The following CCDC178 variants were observed in gnomAD, a reference collection of about 807,000 sequenced individuals.
The protein encoded by CCDC178 is coiled-coil domain containing 178, also known as coiled-coil domain-containing protein 178.
CCDC178 carries 126 observed loss-of-function variants against 117.4 expected under a neutral mutation model. That is an observed-to-expected ratio of 1.07 (90% CI 0.93 to 1.24). The LOEUF (loss-of-function observed/expected upper bound fraction) is 1.24, where lower values mean the gene tolerates loss of function less well. Among genes scored for constraint, CCDC178 ranks in the 50% most tolerant of loss-of-function variants. The pLI, the probability that CCDC178 is intolerant of heterozygous loss-of-function variation, is 0.00. For synonymous variants in CCDC178, 283 were observed against 313.4 expected (o/e 0.90, Z 1.02); for missense variants, 1,030 against 986.9 (o/e 1.04, Z -0.59).
intron 21 of CCDC178, chr18:32,983,190 T>C (rs1323989360): frequency 1.9e-5 from 14 of 744,972 alleles, no homozygotes; most frequent in Non-Finnish European, 2.7e-5. Flanking sequence ...TGGGAGTAGG[T>C]ACATGGTGGT....
At position 33,224,921 on chromosome 18, in the gene CCDC178, T is replaced by A; in HGVS notation, c.1672A>T (p.Ile558Phe). The A allele has an allele frequency of 6.7e-7, 1 of 1,489,578 alleles. No homozygotes were observed. The highest frequency in any genetic ancestry group is 1.4e-5 in the South Asian group (1 of 69,372). 92.3% of individuals were successfully genotyped at this position (1,489,578 alleles called of 1,614,324 possible). ...GMVLQKKLYS[I>F]YEVQALERKE... ...CGCTCAAGTGCCTGGACTTCGTAAATGGAATATAGTTTTTTCTGCCAGCAA... is the reference window on the plus strand; with the variant it reads ...CGCTCAAGTGCCTGGACTTCGTAAAAGGAATATAGTTTTTTCTGCCAGCAA... The change falls in exon 17 of 23, where the codon ATT (isoleucine) becomes TTT (phenylalanine). Residue 558 changes from isoleucine (I) to phenylalanine (F), a missense_variant. Transcript: ENST00000383096.
intron 20 of CCDC178, among the ~76,000 whole-genome samples, chr18:33,194,568 CTT>C: frequency 6.6e-6 from 1 of 152,250 alleles, no homozygotes; most frequent in East Asian, 1.9e-4. Context: ...TCCAATAAAA[CTT>C]TGTATTTCTA....
intron 2 of CCDC178, among the ~76,000 whole-genome samples, chr18:33,414,332 A>C (rs1455932433): frequency 6.6e-6 from 1 of 152,192 alleles, no homozygotes; most frequent in African/African-American, 2.4e-5. Context: ...TTAGAAAAAA[A>C]AACTATCTTG....
At chr18:33,042,295 T>C (rs1282278455) in intron 21 of CCDC178, among the ~76,000 whole-genome samples, 2 of 151,940 alleles carry the variant, frequency 1.3e-5, no homozygotes, top group Admixed American at 6.6e-5. Context: ...CTGTAAGGTA[T>C]TCCTGCCAAA....
intron 20 of CCDC178, among the ~76,000 whole-genome samples, chr18:33,145,086 T>C (rs1469648484): frequency 6.6e-6 from 1 of 152,212 alleles, no homozygotes; most frequent in Non-Finnish European, 1.5e-5. Context: ...CAGTTTTATA[T>C]CTGATAATTA....
chr18:33,267,900 G>A (rs532754347), intron 12 of CCDC178, among the ~76,000 whole-genome samples: 6 of 150,956 alleles, frequency 4.0e-5, no homozygotes, highest in Admixed American at 6.6e-5. Context: ...AATAATAATC[G>A]GTCTTTAAAA....
intron 11 of CCDC178, among the ~76,000 whole-genome samples, chr18:33,299,193 C>T (rs1325968736): frequency 1.3e-5 from 2 of 152,104 alleles, no homozygotes; most frequent in Non-Finnish European, 2.9e-5. Flanking sequence ...GGAGGTACCA[C>T]ACTACCTGAC....
At chr18:33,202,984 G>T (rs2059009877) in intron 20 of CCDC178, among the ~76,000 whole-genome samples, 1 of 152,100 alleles carries the variant, frequency 6.6e-6, no homozygotes, top group Non-Finnish European at 1.5e-5. Context: ...GTAGATCATA[G>T]CATATATTCT....
At chr18:33,177,688 T>C (rs1266956605) in intron 20 of CCDC178, among the ~76,000 whole-genome samples, 1 of 152,216 alleles carries the variant, frequency 6.6e-6, no homozygotes. Context: ...TAAGCTATAA[T>C]GAATTTGTCT....
At chr18:33,244,742 G>T (rs1466057817) in intron 15 of CCDC178, among the ~76,000 whole-genome samples, 2 of 151,926 alleles carry the variant, frequency 1.3e-5, no homozygotes, top group African/African-American at 2.4e-5. Flanking sequence ...GCAGAGAGCT[G>T]CTAGCCAATA....
At chr18:33,430,649 GCCTTAA>G (rs2064200268) in intron 2 of CCDC178, among the ~76,000 whole-genome samples, 1 of 152,190 alleles carries the variant, frequency 6.6e-6, no homozygotes, top group Non-Finnish European at 1.5e-5. Context: ...AAGGAAAGCT[GCCTTAA>G]CCACATCACT....
rs1392583366 is a variant in CCDC178, at chr18:33,267,252, T to G, written c.1222A>C (p.Lys408Gln). The G allele has an allele frequency of 6.2e-7, 1 of 1,606,134 alleles. No individual in the cohort carries two copies. Among genetic ancestry groups the G allele is most frequent in the Non-Finnish European group, 8.5e-7 (1 of 1,177,418 alleles). The change falls in exon 13 of 23, where the codon AAA becomes CAA. Residue 408 changes from lysine to glutamine, a missense_variant. Lys to Gln is a moderately conservative substitution (Grantham distance 53). Coordinates refer to ENST00000383096, the MANE Select transcript of CCDC178 (RefSeq NM_001105528.4). The stretch of plus-strand genomic sequence containing the variant: ...TCCAGATACTGATTTTCATGACTTT[T>G]TTGCTTCCAGGTTAGTTGGTCATAA... ...RVYDQLTWKQ[K>Q]SHENQYLEAV...
intron 20 of CCDC178, among the ~76,000 whole-genome samples, chr18:33,187,428 T>C (rs1233257388): frequency 1.3e-5 from 2 of 152,088 alleles, no homozygotes; most frequent in African/African-American, 2.4e-5. Flanking sequence ...TTGTATGACA[T>C]TTCCTAATGT....
chr18:33,318,860 AAATT>A (rs2062459540), intron 11 of CCDC178, among the ~76,000 whole-genome samples: 1 of 152,116 alleles, frequency 6.6e-6, no homozygotes, highest in Non-Finnish European at 1.5e-5. Context: ...GCAAAAATGA[AAATT>A]AATAGATTAT....
At position 33,072,062 on chromosome 18, in the gene CCDC178, G is replaced by GA. The variant is rs1197355884; in HGVS notation, c.2388+20698dup. On this transcript the variant is annotated intron_variant, in intron 21 of 22. Coordinates refer to ENST00000383096, the MANE Select transcript of CCDC178 (RefSeq NM_001105528.4). ...AAAAGAGTATGATATGCAAGGACTTGAAAAAAATCTTTTTGTCTTTTTCTG... is the reference window on the plus strand; with the variant it reads ...AAAAGAGTATGATATGCAAGGACTTGAAAAAAAATCTTTTTGTCTTTTTCTG... Among the ~76,000 whole-genome samples the GA allele has an allele frequency of 2.9e-3, 439 of 152,006 alleles. 3 individuals carry two copies. Among genetic ancestry groups the GA allele is most frequent in the African/African-American group, 0.01 (417 of 41,480 alleles).
At chr18:33,327,971 T>C (rs2062607381) in intron 10 of CCDC178, 2 of 327,690 alleles carry the variant, frequency 6.1e-6, no homozygotes, top group Non-Finnish European at 1.2e-5. Context: ...ACTTTCTTGA[T>C]AGTGTCCTTT....
chr18:33,430,935 C>G (rs979057628), intron 2 of CCDC178, among the ~76,000 whole-genome samples: 1 of 151,836 alleles, frequency 6.6e-6, no homozygotes, highest in South Asian at 2.1e-4. Flanking sequence ...ATTAGCCGGG[C>G]GCGGTGGTGG....
chr18:33,068,213 C>T (rs886181220), intron 21 of CCDC178, among the ~76,000 whole-genome samples: 5 of 152,044 alleles, frequency 3.3e-5, no homozygotes, highest in Non-Finnish European at 7.4e-5. Context: ...GACCAGATGG[C>T]TTTATTGCTA....
intron 14 of CCDC178, among the ~76,000 whole-genome samples, chr18:33,247,077 T>TGC (rs1241250946): frequency 2.1e-5 from 3 of 145,306 alleles, no homozygotes; most frequent in African/African-American, 8.0e-5. Flanking sequence ...GTGTGTTACG[T>TGC]GTGTGTGTGT....
Sources: gnomAD v4.1 joint callset for allele counts (sites outside exome capture counted in the v4.1 genomes callset) on GRCh38, gnomAD v4.1.1 for gene constraint, MANE v1.5 for transcripts, NCBI Gene and HGNC (gene_info 2026-07-23, HGNC 2026-07-21) for gene names.